Variants in LRMDA observed in about 807,000 individuals in gnomAD.
The protein encoded by LRMDA is leucine rich melanocyte differentiation associated, also known as leucine-rich melanocyte differentiation-associated protein.
LRMDA carries 18 observed loss-of-function variants against 29.8 expected under a neutral mutation model. The ratio of observed to expected loss-of-function variants is 0.60; its 90% CI spans 0.42 to 0.90. The LOEUF is 0.90. Among genes scored for constraint, LRMDA ranks in the 40% least tolerant of loss-of-function variants. The probability of loss-of-function intolerance (pLI) is 0.00; values close to 1 mark genes in which losing one functional copy is unlikely to be tolerated. For missense variants in LRMDA, 273 were observed against 273.9 expected, an observed-to-expected ratio of 1.00 and a Z score of 0.02; for synonymous variants, 125 against 109.4, an observed-to-expected ratio of 1.14 and a Z score of -0.89.
intron 5 of LRMDA, among the ~76,000 whole-genome samples, chr10:76,074,237 TA>T (rs1225738867): frequency 6.6e-6 from 1 of 152,230 alleles, no homozygotes; most frequent in African/African-American, 2.4e-5. Context: ...GTGCTGTTTT[TA>T]AAGGATTTCA....
chr10:76,049,669 G>T (rs931523705), intron 4 of LRMDA, among the ~76,000 whole-genome samples: 1 of 152,150 alleles, frequency 6.6e-6, no homozygotes, highest in African/African-American at 2.4e-5. Context: ...ATTTGCCACT[G>T]AGAAATTTTA....
chr10:76,521,733 T>C (rs983609797), intron 6 of LRMDA, among the ~76,000 whole-genome samples: 2 of 152,204 alleles, frequency 1.3e-5, no homozygotes, highest in African/African-American at 2.4e-5. Context: ...CCCTCAGATA[T>C]AAATATTTTT....
chr10:76,111,087 C>T (rs144440267), intron 5 of LRMDA, among the ~76,000 whole-genome samples: 10 of 152,254 alleles, frequency 6.6e-5, no homozygotes, highest in African/African-American at 2.2e-4. Context: ...TAACCTAAAT[C>T]AACTTTGTCC....
At chr10:76,547,565 A>G (rs2132391796) in intron 6 of LRMDA, among the ~76,000 whole-genome samples, 1 of 152,160 alleles carries the variant, frequency 6.6e-6, no homozygotes, top group East Asian at 1.9e-4. Flanking sequence ...TCTAGTGGTG[A>G]TGCTCCCGAC....
rs147128858 is a variant in LRMDA at position 76,282,264 on chromosome 10, A to T, written c.517-42137A>T. Among the ~76,000 whole-genome samples the T allele has an allele frequency of 6.6e-3, 1,000 of 152,342 alleles. 7 individuals carry two copies. The highest frequency in any genetic ancestry group is 0.012 in the Admixed American group (180 of 15,300). Reference sequence around the variant, plus strand: ...TTCTATTTGGTTTGTAGATGTGATCACAAGTAAATTTTTAACTTAATTAAT... The same window carrying T: ...TTCTATTTGGTTTGTAGATGTGATCTCAAGTAAATTTTTAACTTAATTAAT... On this transcript the variant is annotated intron_variant, in intron 5 of 6. Transcript: ENST00000611255.
intron 5 of LRMDA, among the ~76,000 whole-genome samples, chr10:76,146,975 G>T (rs532912480): frequency 1.3e-5 from 2 of 152,284 alleles, no homozygotes; most frequent in Non-Finnish European, 2.9e-5. Context: ...GAAATTCTGG[G>T]TTGAAAATTC....
chr10:76,342,452 A>G (rs2132421326), intron 6 of LRMDA, among the ~76,000 whole-genome samples: 1 of 152,204 alleles, frequency 6.6e-6, no homozygotes, highest in East Asian at 1.9e-4. Flanking sequence ...ATTGTAAAAG[A>G]TATATTAAGC....
At chr10:75,687,251 C>A (rs916630813) in intron 2 of LRMDA, among the ~76,000 whole-genome samples, 1 of 152,194 alleles carries the variant, frequency 6.6e-6, no homozygotes, top group African/African-American at 2.4e-5. Flanking sequence ...AACATGTCAG[C>A]CTCTCATGCC....
chr10:76,484,039 G>A (rs1306844669), intron 6 of LRMDA, among the ~76,000 whole-genome samples: 1 of 151,840 alleles, frequency 6.6e-6, no homozygotes, highest in Admixed American at 6.6e-5. Flanking sequence ...TTCAGCTGCT[G>A]TTGTACATTT....
At chr10:76,087,236 C>T (rs542565354) in intron 5 of LRMDA, among the ~76,000 whole-genome samples, 5 of 152,162 alleles carry the variant, frequency 3.3e-5, no homozygotes, top group Admixed American at 2.0e-4. Flanking sequence ...TGTCTTCATC[C>T]GAGGAAGCAG....
intron 2 of LRMDA, among the ~76,000 whole-genome samples, chr10:75,879,991 T>A (rs1318701084): frequency 2.0e-5 from 3 of 152,190 alleles, no homozygotes; most frequent in South Asian, 4.1e-4. Flanking sequence ...AAATAAAATT[T>A]CCATGATGTT....
intron 2 of LRMDA, among the ~76,000 whole-genome samples, chr10:75,531,004 A>G (rs949104134): frequency 6.6e-6 from 1 of 152,174 alleles, no homozygotes; most frequent in Non-Finnish European, 1.5e-5. Context: ...GCTGTGTTAT[A>G]TATCATCTGT....
intron 5 of LRMDA, among the ~76,000 whole-genome samples, chr10:76,201,232 G>C (rs1238753583): frequency 6.6e-6 from 1 of 151,866 alleles, no homozygotes. Context: ...AAGTAGCTGG[G>C]ATTACAGGCA....
At chr10:75,560,091 T>G (rs1285619287) in intron 2 of LRMDA, among the ~76,000 whole-genome samples, 39 of 151,686 alleles carry the variant, frequency 2.6e-4, no homozygotes, top group Admixed American at 9.2e-4. Flanking sequence ...TAGCTTTATG[T>G]GGATGGCATT....
At chr10:76,020,954 A>G (rs1384942625) in intron 2 of LRMDA, among the ~76,000 whole-genome samples, 1 of 152,172 alleles carries the variant, frequency 6.6e-6, no homozygotes, top group Non-Finnish European at 1.5e-5. Context: ...ATGTTTTTCA[A>G]GCTGCCTTCA....
At chr10:76,200,837 C>T (rs1851413332) in intron 5 of LRMDA, among the ~76,000 whole-genome samples, 1 of 151,158 alleles carries the variant, frequency 6.6e-6, no homozygotes, top group Non-Finnish European at 1.5e-5. Flanking sequence ...CCTGCCTCAG[C>T]CTCCTGAGTA....
chr10:75,599,395 C>T (rs866188936), intron 2 of LRMDA, among the ~76,000 whole-genome samples: 7 of 152,174 alleles, frequency 4.6e-5, no homozygotes, highest in South Asian at 4.1e-4. Flanking sequence ...GTGAGGTGTC[C>T]TGGTTCTGAC....
intron 5 of LRMDA, among the ~76,000 whole-genome samples, chr10:76,197,700 C>A (rs1314151451): frequency 6.6e-6 from 1 of 152,128 alleles, no homozygotes; most frequent in Admixed American, 6.5e-5. Flanking sequence ...AGGCGGATCA[C>A]TTGAAGTCAG....
chr10:75,934,632 G>T (rs145450681), intron 2 of LRMDA, among the ~76,000 whole-genome samples: 91 of 152,280 alleles, frequency 6.0e-4, no homozygotes, highest in African/African-American at 2.1e-3. Context: ...TAGTGGGGAA[G>T]AGAGACAAGT....
Sources: allele counts gnomAD v4.1 joint callset (sites outside exome capture counted in the v4.1 genomes callset), GRCh38; gene constraint gnomAD v4.1.1; transcripts MANE v1.5; gene names NCBI Gene and HGNC (gene_info 2026-07-23, HGNC 2026-07-21).